The following RBFOX3 variants were observed in gnomAD, a reference collection of about 807,000 sequenced individuals.
The protein encoded by RBFOX3 is RNA binding fox-1 homolog 3.
A neutral mutation model predicts 48.7 loss-of-function variants in RBFOX3; 17 were observed. That is an observed-to-expected ratio of 0.35 (90% CI 0.24 to 0.52). The LOEUF (loss-of-function observed/expected upper bound fraction) is 0.52, where lower values mean the gene tolerates loss of function less well. Among genes scored for constraint, RBFOX3 ranks in the 20% least tolerant of loss-of-function variants. RBFOX3 has a pLI of 0.94. For missense variants in RBFOX3, 382 were observed against 497.5 expected (o/e 0.77, Z 2.21); for synonymous variants, 212 against 209.5 (o/e 1.01, Z -0.10).
At chr17:79,478,526 C>T (rs1395966954) in intron 2 of RBFOX3, among the ~76,000 whole-genome samples, 2 of 152,224 alleles carry the variant, frequency 1.3e-5, no homozygotes, top group East Asian at 3.9e-4. Flanking sequence ...AACAAAGATG[C>T]TCCCCCATCC....
intron 3 of RBFOX3, among the ~76,000 whole-genome samples, chr17:79,296,305 C>CACACACACACACA: frequency 7.7e-6 from 1 of 130,504 alleles, no homozygotes; most frequent in African/African-American, 2.6e-5. Context: ...CACACACACA[C>CACACACACACACA]CACACACACA....
chr17:79,146,921 GCC>G (rs1210874284), intron 4 of RBFOX3, among the ~76,000 whole-genome samples: 1 of 152,222 alleles, frequency 6.6e-6, no homozygotes, highest in Non-Finnish European at 1.5e-5. Flanking sequence ...CTCCTTGGCT[GCC>G]CCCTTTGGCT....
rs565671318 is a variant in RBFOX3, at chr17:79,277,328, G to C, written c.-74+30396C>G. On this transcript the variant is annotated intron_variant, in intron 3 of 14. Coordinates refer to ENST00000693108, the MANE Select transcript of RBFOX3 (RefSeq NM_001350451.2). Reference sequence around the variant, plus strand: ...AGGGGGGGGGTAGTGCTGCTCGACTGGTACCTTATACTGTAAATACAGATA... The same window carrying C: ...AGGGGGGGGGTAGTGCTGCTCGACTCGTACCTTATACTGTAAATACAGATA... 2.6e-4 allele frequency among the ~76,000 whole-genome samples: 39 copies of C among 151,754 alleles called. 1 individual carries two copies. The highest frequency in any genetic ancestry group is 6.8e-3 in the Middle Eastern group (2 of 294).
intron 1 of RBFOX3, among the ~76,000 whole-genome samples, chr17:79,520,722 G>C (rs943711757): frequency 1.3e-5 from 2 of 152,224 alleles, no homozygotes; most frequent in Non-Finnish European, 2.9e-5. Context: ...CAGAGCACAA[G>C]GGTGGGGTTC....
chr17:79,596,734 G>T (rs1361939713), intron 1 of RBFOX3, among the ~76,000 whole-genome samples: 3 of 152,128 alleles, frequency 2.0e-5, no homozygotes, highest in African/African-American at 7.2e-5. Context: ...CGCCCATCAG[G>T]ATCTGTGATT....
chr17:79,485,775 G>A (rs2079497630), intron 1 of RBFOX3, among the ~76,000 whole-genome samples: 1 of 152,226 alleles, frequency 6.6e-6, no homozygotes, highest in Non-Finnish European at 1.5e-5. Context: ...AGCCACCCCT[G>A]CCTGCGCTCG....
chr17:79,320,932 G>A (rs1237146228), intron 2 of RBFOX3, among the ~76,000 whole-genome samples: 2 of 152,186 alleles, frequency 1.3e-5, no homozygotes, highest in African/African-American at 4.8e-5. Flanking sequence ...CACATTCAGA[G>A]TCCGGCACAT....
intron 2 of RBFOX3, among the ~76,000 whole-genome samples, chr17:79,470,800 G>A (rs993472030): frequency 6.6e-6 from 1 of 152,204 alleles, no homozygotes; most frequent in Non-Finnish European, 1.5e-5. Flanking sequence ...TCAAAGAAAT[G>A]TCATCCTTTC....
At chr17:79,096,927 T>A in intron 11 of RBFOX3, 94 bp from the exon 12 acceptor site, 1 of 609,204 alleles carries the variant, frequency 1.6e-6, no homozygotes, top group Non-Finnish European at 2.9e-6. Flanking sequence ...CCCAGGCAGC[T>A]GTGCCCCCCA....
chr17:79,620,459 A>ACG, the RBFOX3 span, among the ~76,000 whole-genome samples: 1 of 146,276 alleles, frequency 6.8e-6, no homozygotes, highest in Non-Finnish European at 1.5e-5. Flanking sequence ...ACATGCGCAC[A>ACG]CACATGCACA....
At chr17:79,628,169 T>C in the RBFOX3 span, among the ~76,000 whole-genome samples, 2 of 152,062 alleles carry the variant, frequency 1.3e-5, no homozygotes, top group African/African-American at 4.8e-5. Flanking sequence ...TGCTGATCTA[T>C]GCTTGACCAG....
At chr17:79,436,045 G>A (rs1471629863) in intron 2 of RBFOX3, among the ~76,000 whole-genome samples, 4 of 152,246 alleles carry the variant, frequency 2.6e-5, no homozygotes, top group East Asian at 3.8e-4. Context: ...TGCAACCTGT[G>A]AAAGAGCAGA....
At chr17:79,280,366 T>C (rs1247778713) in intron 3 of RBFOX3, among the ~76,000 whole-genome samples, 2 of 151,560 alleles carry the variant, frequency 1.3e-5, no homozygotes, top group Admixed American at 1.3e-4. Context: ...AACACGTGAG[T>C]CCTATGGGAC....
At chr17:79,285,643 T>C (rs2071688699) in intron 3 of RBFOX3, among the ~76,000 whole-genome samples, 1 of 152,210 alleles carries the variant, frequency 6.6e-6, no homozygotes, top group South Asian at 2.1e-4. Context: ...CCTGCTCCTT[T>C]ATCTGCTTTG....
chr17:79,110,264 G>A lies in RBFOX3; in HGVS notation c.223-3476C>T, dbSNP rs1163538854. Among the ~76,000 whole-genome samples, 6 of 152,136 alleles carry A rather than the reference G, an allele frequency of 3.9e-5. No individual in the cohort carries two copies. The South Asian group carries it at 6.2e-4, about 16-fold the overall frequency. ...TCCTTCCCCAGCTCTGTCTTGGCCC[G>A]GCCATTATGGACACCTCCCCAGCCC... On this transcript the variant is annotated intron_variant, in intron 5 of 14. Coordinates refer to ENST00000693108, the MANE Select transcript of RBFOX3 (RefSeq NM_001350451.2).
intron 4 of RBFOX3, among the ~76,000 whole-genome samples, chr17:79,208,967 C>T (rs1287452147): frequency 1.3e-5 from 2 of 152,224 alleles, no homozygotes; most frequent in African/African-American, 4.8e-5. Flanking sequence ...AGGCACCCGC[C>T]ACCACGCCCG....
At chr17:79,177,706 T>A (rs936960177) in intron 4 of RBFOX3, among the ~76,000 whole-genome samples, 4 of 152,294 alleles carry the variant, frequency 2.6e-5, no homozygotes, top group South Asian at 4.1e-4. Context: ...AGACCCTCCA[T>A]GGGCAGGGGT....
intron 2 of RBFOX3, among the ~76,000 whole-genome samples, chr17:79,359,222 C>A (rs949924887): frequency 2.0e-5 from 3 of 152,246 alleles, no homozygotes; most frequent in African/African-American, 7.2e-5. Flanking sequence ...TGGCTGACTG[C>A]AGCGCCTACC....
chr17:79,115,984 T>C (rs529743499), intron 4 of RBFOX3, among the ~76,000 whole-genome samples: 5 of 152,142 alleles, frequency 3.3e-5, no homozygotes, highest in Non-Finnish European at 7.4e-5. Context: ...GTTCAGCCCA[T>C]TTACTCACAC....
Sources: allele counts gnomAD v4.1 joint callset (sites outside exome capture counted in the v4.1 genomes callset), GRCh38; gene constraint gnomAD v4.1.1; transcripts MANE v1.5; gene names NCBI Gene and HGNC (gene_info 2026-07-23, HGNC 2026-07-21).